The following GPR107 variants were observed in gnomAD, a reference collection of about 807,000 sequenced individuals.
GPR107 encodes G protein-coupled receptor 107, also known as protein GPR107.
In GPR107, 31 loss-of-function variants were observed where a neutral mutation model predicts 75.5. That is an observed-to-expected ratio of 0.41 (90% CI 0.31 to 0.55). The LOEUF (loss-of-function observed/expected upper bound fraction) is 0.55, where lower values mean the gene tolerates loss of function less well. Ranked by LOEUF, GPR107 falls within the 20% of genes least tolerant of loss-of-function variation. The pLI, the probability that GPR107 is intolerant of heterozygous loss-of-function variation, is 0.26. For synonymous variants in GPR107, 267 were observed against 251.3 expected, an observed-to-expected ratio of 1.06 and a Z score of -0.59; for missense variants, 572 against 665.7, an observed-to-expected ratio of 0.86 and a Z score of 1.55.
chr9:130,107,905 A>G (rs759870507), intron 14 of GPR107, among the ~76,000 whole-genome samples: 7 of 152,234 alleles, frequency 4.6e-5, no homozygotes, highest in Non-Finnish European at 1.0e-4. Context: ...GGAGATGGCT[A>G]TGTGTAAAGC....
In GPR107 at chr9:130,137,227, G is replaced by T. The variant is rs1189913079; in HGVS notation, c.*2106G>T. ...GGAGGTGTCCTCATTTCACATGCTG[G>T]GTTTTGCAAGCGAGGAAGCCAGGCA... On this transcript the variant is annotated 3_prime_UTR_variant, in exon 18 of 18. Transcript: ENST00000347136. 2 of 152,396 alleles carry T rather than the reference G, an allele frequency of 1.3e-5. No individual in the cohort carries two copies. The highest frequency in any genetic ancestry group is 3.9e-4 in the East Asian group (2 of 5,190). 9.4% of individuals were successfully genotyped at this position (152,396 alleles called of 1,614,324 possible).
At chr9:130,111,989 C>T (rs1339379772) in intron 14 of GPR107, among the ~76,000 whole-genome samples, 5 of 152,264 alleles carry the variant, frequency 3.3e-5, no homozygotes, top group Non-Finnish European at 1.5e-5. Context: ...CACTCTGTCT[C>T]GCCTGCTAAG....
At chr9:130,072,678 G>A (rs1830239378) in intron 1 of GPR107, among the ~76,000 whole-genome samples, 1 of 151,762 alleles carries the variant, frequency 6.6e-6, no homozygotes, top group Admixed American at 6.6e-5. Context: ...CAAATGAAAT[G>A]ATGATGCAAA....
At chr9:130,056,800 C>T (rs1251724648) in intron 1 of GPR107, among the ~76,000 whole-genome samples, 1 of 151,282 alleles carries the variant, frequency 6.6e-6, no homozygotes, top group South Asian at 2.1e-4. Context: ...TGGCAGGTGC[C>T]GGTGGTCTCA....
At chr9:130,070,327 A>T (rs2132551041) in intron 1 of GPR107, among the ~76,000 whole-genome samples, 1 of 152,216 alleles carries the variant, frequency 6.6e-6, no homozygotes, top group East Asian at 1.9e-4. Flanking sequence ...ATTTTGAGAC[A>T]GAGTCTCGCT....
At chr9:130,063,440 T>G (rs1829981480) in intron 1 of GPR107, among the ~76,000 whole-genome samples, 1 of 152,252 alleles carries the variant, frequency 6.6e-6, no homozygotes, top group Non-Finnish European at 1.5e-5. Flanking sequence ...TCTGCCCGCC[T>G]TGGCCTCCCA....
At chr9:130,080,668 T>A (rs1302766190) in intron 5 of GPR107, among the ~76,000 whole-genome samples, 1 of 151,312 alleles carries the variant, frequency 6.6e-6, no homozygotes, top group East Asian at 2.0e-4. Context: ...ATTTTTTGTA[T>A]TTTTAGTAGA....
At chr9:130,092,859 T>C (rs1181178651) in intron 9 of GPR107, among the ~76,000 whole-genome samples, 1 of 152,182 alleles carries the variant, frequency 6.6e-6, no homozygotes, top group Non-Finnish European at 1.5e-5. Flanking sequence ...GACCTCATGA[T>C]CTGCCCACAT....
chr9:130,132,797 TAAAAAA>T (rs1197993013), intron 17 of GPR107, among the ~76,000 whole-genome samples: 1 of 134,248 alleles, frequency 7.4e-6, no homozygotes, highest in African/African-American at 2.8e-5. Flanking sequence ...AAAAATCAAA[TAAAAAA>T]AAAATATATA....
intron 1 of GPR107, among the ~76,000 whole-genome samples, chr9:130,054,980 G>A (rs1829717632): frequency 6.6e-6 from 1 of 151,858 alleles, no homozygotes; most frequent in African/African-American, 2.4e-5. Context: ...CTTCTGGGGA[G>A]GCTGAGGCTG....
chr9:130,097,941 GCA>G (rs1365836058), intron 9 of GPR107, among the ~76,000 whole-genome samples: 4 of 152,096 alleles, frequency 2.6e-5, no homozygotes, highest in African/African-American at 7.2e-5. Flanking sequence ...GAGTGCAATG[GCA>G]CAGTCACGGC....
chr9:130,066,317 A>C (rs898553142), intron 1 of GPR107, among the ~76,000 whole-genome samples: 18 of 152,156 alleles, frequency 1.2e-4, no homozygotes, highest in African/African-American at 3.9e-4. Context: ...ATAAAAATAA[A>C]AATAAATTTA....
At chr9:130,128,833 G>C in intron 17 of GPR107, 72 bp downstream of exon 17, 1 of 1,459,248 alleles carries the variant, frequency 6.9e-7, no homozygotes. Flanking sequence ...AGTGTGAATC[G>C]GGTCGGCTGC....
intron 1 of GPR107, among the ~76,000 whole-genome samples, chr9:130,064,005 A>G (rs1433942239): frequency 6.6e-6 from 1 of 150,918 alleles, no homozygotes; most frequent in South Asian, 2.1e-4. Context: ...GGGTTACACC[A>G]TGCTGGCCAG....
rs1830447064 is a variant in GPR107, at chr9:130,079,719, A to G, written c.476A>G (p.Glu159Gly). The change falls in exon 5 of 18, where the codon GAG (glutamate) becomes GGG (glycine). Residue 159 changes from glutamate to glycine, a missense_variant. Physicochemically the swap from Glu to Gly is moderately conservative, Grantham distance 98. Transcript: ENST00000347136. The stretch of plus-strand genomic sequence containing the variant: ...GAGAAAGTCCTTGGTCAGAGCCAGG[A>G]GCCTAATGTTAACCCTGCTTCAGCA... ...RDEKVLGQSQEPNVNPASAGN... is the reference protein window; with the variant it reads ...RDEKVLGQSQGPNVNPASAGN... The G allele has an allele frequency of 6.2e-7, 1 of 1,613,008 alleles. No homozygotes were observed. The highest frequency in any genetic ancestry group is 1.7e-5 in the Admixed American group (1 of 59,966).
At chr9:130,086,798 T>G (rs926905526) in intron 7 of GPR107, among the ~76,000 whole-genome samples, 4 of 152,144 alleles carry the variant, frequency 2.6e-5, no homozygotes, top group Non-Finnish European at 4.4e-5. Flanking sequence ...ATTCAAAGTG[T>G]GCCAGAAGCA....
Position 130,128,655 on chromosome 9 carries a change from G to A in GPR107, c.1456G>A (p.Ala486Thr). 1.9e-6 allele frequency: 3 copies of A among 1,611,472 alleles called. No homozygotes were observed. Among genetic ancestry groups the A allele is most frequent in the Non-Finnish European group, 2.5e-6 (3 of 1,177,568 alleles). ...KWLYQLLDET[A>T]TLVFFVLTGY... is the part of the protein sequence containing the mutation. ...AAACTTGCAGCTCCTGGATGAAACG[G>A]CCACACTGGTCTTCTTTGTTCTAAC... is the stretch of plus-strand genomic sequence containing the variant. The change falls in exon 17 of 18, where the codon GCC (alanine) becomes ACC (threonine). Residue 486 changes from alanine to threonine, a missense_variant. By Grantham distance (58) the Ala-to-Thr change is moderately conservative (BLOSUM62 0). Transcript: ENST00000347136.
At chr9:130,123,596 T>C (rs1255031819) in intron 14 of GPR107, among the ~76,000 whole-genome samples, 1 of 147,822 alleles carries the variant, frequency 6.8e-6, no homozygotes, top group Non-Finnish European at 1.5e-5. Flanking sequence ...CTCAAACTCC[T>C]GGACTCAAGC....
At chr9:130,126,254 T>C (rs1831680280) in intron 15 of GPR107, among the ~76,000 whole-genome samples, 1 of 151,810 alleles carries the variant, frequency 6.6e-6, no homozygotes, top group African/African-American at 2.4e-5. Context: ...TGCTAGAAAT[T>C]ATTAGGATCA....
Sources: allele counts gnomAD v4.1 joint callset (sites outside exome capture counted in the v4.1 genomes callset), GRCh38; gene constraint gnomAD v4.1.1; transcripts MANE v1.5; gene names NCBI Gene and HGNC (gene_info 2026-07-23, HGNC 2026-07-21).